DNAH6: variants seen among roughly 807,000 people sequenced by gnomAD.
DNAH6 encodes the protein axonemal beta dynein heavy chain 6.
Under a neutral mutation model 491.4 loss-of-function variants are expected in DNAH6, and 340 were observed. The ratio of observed to expected loss-of-function variants is 0.69; its 90% CI spans 0.63 to 0.76. The LOEUF is 0.76. Among genes scored for constraint, DNAH6 ranks in the 30% least tolerant of loss-of-function variants. DNAH6 has a pLI of 0.00. For missense variants in DNAH6, 4,443 were observed against 4,972.2 expected (o/e 0.89, Z 3.20); for synonymous variants, 1,603 against 1,686.1 (o/e 0.95, Z 1.21).
At chr2:84,532,008 TTTCTC>T (rs976441345) in intron 4 of DNAH6, among the ~76,000 whole-genome samples, 7 of 152,138 alleles carry the variant, frequency 4.6e-5, no homozygotes, top group Admixed American at 1.3e-4. Flanking sequence ...TTTTCATAGT[TTTCTC>T]TTCAGGAAAA....
At chr2:84,550,116 C>G in intron 9 of DNAH6, 59 bp downstream of exon 9, 1 of 1,325,350 alleles carries the variant, frequency 7.5e-7, no homozygotes, top group South Asian at 1.4e-5. Context: ...GGAGTGCAAA[C>G]TACGCTCTAT....
intron 41 of DNAH6, among the ~76,000 whole-genome samples, chr2:84,680,535 G>T (rs1271657954): frequency 1.3e-5 from 2 of 152,020 alleles, no homozygotes; most frequent in African/African-American, 2.4e-5. Context: ...GCCAAGCAGA[G>T]AGGGCTGGGC....
intron 23 of DNAH6, among the ~76,000 whole-genome samples, chr2:84,618,086 A>C (rs1323900621): frequency 1.3e-5 from 2 of 152,248 alleles, no homozygotes; most frequent in South Asian, 2.1e-4. Context: ...TAGTTATATT[A>C]CTTGGGAAAG....
chr2:84,747,905 T>C (rs61000234), intron 63 of DNAH6, among the ~76,000 whole-genome samples: 3,961 of 152,256 alleles, frequency 0.026, 140 homozygotes, highest in African/African-American at 0.086. Flanking sequence ...GATTTTGCCC[T>C]CCAGAATAGC....
At chr2:84,813,793 A>G (rs917693724) in intron 74 of DNAH6, among the ~76,000 whole-genome samples, 178 bp from the exon 75 acceptor site, 3 of 151,986 alleles carry the variant, frequency 2.0e-5, no homozygotes, top group East Asian at 1.9e-4. Context: ...ACCTCCCAAC[A>G]TGACCCGCAG....
intron 31 of DNAH6, among the ~76,000 whole-genome samples, chr2:84,638,450 A>AT (rs375891378): frequency 5.3e-5 from 8 of 152,182 alleles, no homozygotes; most frequent in African/African-American, 1.9e-4. Flanking sequence ...AATATAAGGC[A>AT]TTTTTAGGAC....
the DNAH6 span, among the ~76,000 whole-genome samples, chr2:84,485,701 G>A: frequency 6.6e-6 from 1 of 151,986 alleles, no homozygotes. Flanking sequence ...GGCCAATTAT[G>A]TGCCCAGTTC....
chr2:84,591,655 A>C (rs1684128974), intron 16 of DNAH6, among the ~76,000 whole-genome samples: 1 of 152,210 alleles, frequency 6.6e-6, no homozygotes, highest in African/African-American at 2.4e-5. Flanking sequence ...TACCCAACAC[A>C]ATCTTGAGAA....
chr2:84,611,912 T>A (rs1473942203), intron 22 of DNAH6, 58 bp downstream of exon 22: 1 of 1,428,860 alleles, frequency 7.0e-7, no homozygotes, highest in Non-Finnish European at 9.4e-7. Context: ...AGTCTGGGAC[T>A]TTAGTCCCAG....
intron 62 of DNAH6, among the ~76,000 whole-genome samples, chr2:84,743,226 T>C (rs992502771): frequency 1.3e-5 from 2 of 152,210 alleles, no homozygotes; most frequent in Non-Finnish European, 2.9e-5. Context: ...GGACAACTCA[T>C]AATTTTTTCA....
chr2:84,605,239 G>C (rs1220124476), intron 19 of DNAH6, among the ~76,000 whole-genome samples: 1 of 151,572 alleles, frequency 6.6e-6, no homozygotes, highest in Admixed American at 6.6e-5. Context: ...TGTAGTCCCA[G>C]CTACTCGGGA....
intron 5 of DNAH6, among the ~76,000 whole-genome samples, chr2:84,545,336 G>A (rs114611643): frequency 8.2e-4 from 125 of 152,230 alleles, no homozygotes; most frequent in Non-Finnish European, 1.2e-3. Context: ...ATTCCATTGT[G>A]CATTCTGAGT....
chr2:84,508,126 T>A, the DNAH6 span, among the ~76,000 whole-genome samples: 2 of 152,120 alleles, frequency 1.3e-5, no homozygotes, highest in Admixed American at 6.6e-5. Context: ...TGATTGGAGT[T>A]GTTTCAGAAG....
chr2:84,728,330 C>T (rs1418024374), intron 61 of DNAH6, among the ~76,000 whole-genome samples: 1 of 152,210 alleles, frequency 6.6e-6, no homozygotes, highest in Non-Finnish European at 1.5e-5. Flanking sequence ...ATAGAGCCCA[C>T]AAGCACCTAC....
chr2:84,487,779 C>T, the DNAH6 span, among the ~76,000 whole-genome samples: 1 of 152,142 alleles, frequency 6.6e-6, no homozygotes. Flanking sequence ...AGGGCAGGCC[C>T]CTTTCCAGGT....
chr2:84,607,956 A>G (rs1436682056), intron 21 of DNAH6, among the ~76,000 whole-genome samples: 1 of 152,216 alleles, frequency 6.6e-6, no homozygotes, highest in Non-Finnish European at 1.5e-5. Context: ...ATTGGAGTCA[A>G]TGTTCTCAAG....
At chr2:84,686,451 T>C in intron 43 of DNAH6, 33 bp from the exon 44 acceptor site, 1 of 1,184,900 alleles carries the variant, frequency 8.4e-7, no homozygotes, top group Non-Finnish European at 1.2e-6. Flanking sequence ...AGATTATCAT[T>C]ATATTTAAAA....
At chr2:84,772,564 T>A (rs1675733821) in intron 64 of DNAH6, among the ~76,000 whole-genome samples, 1 of 152,040 alleles carries the variant, frequency 6.6e-6, no homozygotes, top group African/African-American at 2.4e-5. Context: ...GACAGGGATA[T>A]AATTTAATGA....
At chr2:84,677,186 G>C (rs141450981) in intron 41 of DNAH6, 50 bp downstream of exon 41, 108 of 1,548,618 alleles carry the variant, frequency 7.0e-5, no homozygotes, top group Non-Finnish European at 9.3e-5. Context: ...AAGCATATTT[G>C]TTCCAAGGCT....
Sources: allele counts gnomAD v4.1 joint callset (sites outside exome capture counted in the v4.1 genomes callset), GRCh38; gene constraint gnomAD v4.1.1; transcripts MANE v1.5; gene names NCBI Gene and HGNC (gene_info 2026-07-23, HGNC 2026-07-21).